The following ZNF638 variants were observed in gnomAD, a reference collection of about 807,000 sequenced individuals.
The protein encoded by ZNF638 is CTCL tumor antigen se33-1.
ZNF638 carries 46 observed loss-of-function variants against 195.6 expected under a neutral mutation model. That is an observed-to-expected ratio of 0.24 (90% confidence interval 0.19 to 0.30). The LOEUF is 0.30. Ranked by LOEUF, ZNF638 falls within the 10% of genes least tolerant of loss-of-function variation. ZNF638 has a pLI of 1.00. For synonymous variants in ZNF638, 845 were observed against 772.0 expected (o/e 1.09, Z -1.57); for missense variants, 2,440 against 2,325.3 (o/e 1.05, Z -1.01).
At position 71,427,182 on chromosome 2, in the gene ZNF638, G is replaced by A; in HGVS notation, c.5313G>A (p.Glu1771=). ...CGGATTTTAACAACCTTAAAGAAGA[G>A]CTTAATTTTGTTACTGTTGATGAAG... ...SLADFNNLKE[E]LNFVTVDEVG... Residue 1771 remains glutamate (E), a synonymous_variant, in exon 24 of 28, where the codon GAG becomes GAA. Transcript: ENST00000264447. The A allele has an allele frequency of 6.2e-7, 1 of 1,611,862 alleles. No individual in the cohort carries two copies. Among genetic ancestry groups the A allele is most frequent in the Non-Finnish European group, 8.5e-7 (1 of 1,179,298 alleles).
chr2:71,346,379 AGTTT>A (rs1245163463), intron 1 of ZNF638, among the ~76,000 whole-genome samples: 4 of 152,200 alleles, frequency 2.6e-5, no homozygotes, highest in Non-Finnish European at 5.9e-5. Context: ...AAAGACCGTG[AGTTT>A]GTTACAAATG....
chr2:71,397,450 G>T (rs2079916343), intron 11 of ZNF638, among the ~76,000 whole-genome samples: 3 of 152,136 alleles, frequency 2.0e-5, no homozygotes, highest in South Asian at 4.1e-4. Context: ...ACTATAAAGG[G>T]TGGATTTGTA....
At chr2:71,336,720 G>A (rs1472456344) in intron 1 of ZNF638, among the ~76,000 whole-genome samples, 1 of 152,054 alleles carries the variant, frequency 6.6e-6, no homozygotes, top group East Asian at 1.9e-4. Context: ...GCAAGCAGTG[G>A]GACCAGAGTT....
chr2:71,393,700 G>A (rs752640735), intron 10 of ZNF638: 61 of 694,648 alleles, frequency 8.8e-5, no homozygotes, highest in Non-Finnish European at 1.2e-4. Context: ...CCTGCAACCC[G>A]TACCGGCTAC....
At chr2:71,355,375 C>G (rs1229833216) in intron 2 of ZNF638, among the ~76,000 whole-genome samples, 1 of 152,058 alleles carries the variant, frequency 6.6e-6, no homozygotes, top group African/African-American at 2.4e-5. Context: ...TTGGTGTTTT[C>G]TGGTGTGTTG....
rs563510301 is a variant in ZNF638 at position 71,421,183 on chromosome 2, G to C, written c.3300-1631G>C. ...GAATATTTTCTTCATTATTGGAAAT[G>C]AGTCTTGTAATTTAAAGACAAAAGC... On this transcript the variant is annotated intron_variant, in intron 21 of 27. Coordinates refer to ENST00000264447, the MANE Select transcript of ZNF638 (RefSeq NM_014497.5). Among the ~76,000 whole-genome samples the C allele has an allele frequency of 3.0e-3, 458 of 152,224 alleles. 10 individuals carry two copies. The highest frequency in any genetic ancestry group is 0.018 in the South Asian group (86 of 4,826).
At chr2:71,410,992 C>CCCCCT (rs1553484599) in intron 20 of ZNF638, among the ~76,000 whole-genome samples, 4 of 24,508 alleles carry the variant, frequency 1.6e-4, no homozygotes, top group African/African-American at 5.8e-4. Flanking sequence ...CTCCCCCCCC[C>CCCCCT]TTTTTTTTTT....
In ZNF638 at chr2:71,355,764, C is replaced by T. The variant is rs765456050; in HGVS notation, c.1363C>T (p.Arg455Ter). 1 of 1,589,664 alleles carries T rather than the reference C, an allele frequency of 6.3e-7. No individual in the cohort carries two copies. Among genetic ancestry groups the T allele is most frequent in the Non-Finnish European group, 8.6e-7 (1 of 1,166,784 alleles). Reference protein sequence around the residue: ...QNTSTHIESCRQLRQQYPDWN... With the variant: ...QNTSTHIESC ...TACATCTACTCATATTGAGAGCTGTCGACAGTTACGTCAACAGTAAGAATA... is the reference window on the plus strand; with the variant it reads ...TACATCTACTCATATTGAGAGCTGTTGACAGTTACGTCAACAGTAAGAATA... The change falls in exon 3 of 28, where the codon CGA becomes TGA. Residue 455 changes from arginine to a stop codon, truncating the protein, a stop_gained. Coordinates refer to ENST00000264447, the MANE Select transcript of ZNF638 (RefSeq NM_014497.5). LOFTEE classifies it high-confidence loss of function.
chr2:71,402,886 G>A (rs879580577), intron 16 of ZNF638, among the ~76,000 whole-genome samples: 1 of 152,040 alleles, frequency 6.6e-6, no homozygotes, highest in Non-Finnish European at 1.5e-5. Flanking sequence ...ATGTTTTGAG[G>A]CACTCCGAGC....
At position 71,388,658 on chromosome 2, in the gene ZNF638, G is replaced by A. The variant is rs201047425; in HGVS notation, c.2378-7483G>A. 5.8e-5 allele frequency: 55 copies of A among 948,636 alleles called. No homozygotes were observed. In the Middle Eastern group the frequency reaches 1.0e-3, roughly 18 times the overall value. The allele number at this position is 948,636 out of a possible 1,614,324, so 58.8% of individuals were successfully genotyped here. A position where few individuals can be genotyped will look rare whatever the true frequency, so the allele number is the denominator to read the frequency against. On this transcript the variant is annotated intron_variant, in intron 10 of 27. Transcript: ENST00000264447. Reference sequence around the variant, plus strand: ...TCAGACTCAGCAGCTGGTGCCCCTCGTGAGGAACACTGCAAGGGATCACGA... The same window carrying A: ...TCAGACTCAGCAGCTGGTGCCCCTCATGAGGAACACTGCAAGGGATCACGA...
At chr2:71,386,039 C>A (rs1167241668) in intron 10 of ZNF638, among the ~76,000 whole-genome samples, 1 of 151,968 alleles carries the variant, frequency 6.6e-6, no homozygotes, top group Non-Finnish European at 1.5e-5. Flanking sequence ...AACATATGAT[C>A]CTTTCCATAA....
intron 21 of ZNF638, among the ~76,000 whole-genome samples, chr2:71,420,179 C>T (rs2080400970): frequency 6.6e-6 from 1 of 151,794 alleles, no homozygotes; most frequent in Non-Finnish European, 1.5e-5. Context: ...TTTCCCACCT[C>T]AGCTTCCTGT....
Position 71,422,772 on chromosome 2 carries a change from T to G in ZNF638, c.3300-42T>G, listed in dbSNP as rs781585090. 5 of 1,565,352 alleles carry G rather than the reference T, an allele frequency of 3.2e-6. No individual in the cohort carries two copies. The African/African-American group carries it at 5.5e-5, about 17-fold the overall frequency. On this transcript the variant is annotated intron_variant, in intron 21 of 27. Transcript: ENST00000264447. ...CATCATAGTTTGATTTTTGTTTGTG[T>G]TTTTGTTTGTGTTCTTTTTGTTTGT...
intron 25 of ZNF638, 158 bp from the exon 26 acceptor site, chr2:71,431,169 A>G: frequency 1.7e-6 from 1 of 593,742 alleles, no homozygotes; most frequent in South Asian, 2.3e-5. Context: ...TATTCCTTAC[A>G]TTAAAGAATC....
chr2:71,339,629 C>G (rs966805710), intron 1 of ZNF638, among the ~76,000 whole-genome samples: 7 of 152,170 alleles, frequency 4.6e-5, no homozygotes, highest in African/African-American at 7.2e-5. Context: ...GTCTTTACTT[C>G]TTGGTCTTGC....
At chr2:71,428,855 A>G (rs1447704238) in intron 25 of ZNF638, 7 of 405,488 alleles carry the variant, frequency 1.7e-5, no homozygotes, top group Non-Finnish European at 2.7e-5. Context: ...AATGTGACAG[A>G]TTAGAGGAAA....
chr2:71,355,198 C>T (rs1448027829), intron 2 of ZNF638, among the ~76,000 whole-genome samples: 3 of 152,080 alleles, frequency 2.0e-5, no homozygotes, highest in Non-Finnish European at 2.9e-5. Flanking sequence ...ACTCGTGATC[C>T]GCCCTCCTTG....
chr2:71,417,598 A>T (rs13429035), intron 20 of ZNF638, among the ~76,000 whole-genome samples: 14,785 of 151,406 alleles, frequency 0.098, 796 homozygotes, highest in East Asian at 0.14. Context: ...TTCCTTTATG[A>T]ATAAGGAAGT....
chr2:71,406,869 G>T (rs374029952), intron 19 of ZNF638, among the ~76,000 whole-genome samples: 1 of 152,002 alleles, frequency 6.6e-6, no homozygotes, highest in Non-Finnish European at 1.5e-5. Context: ...GCATGGTGAC[G>T]TGTGCCTCTG....
Sources: allele counts gnomAD v4.1 joint callset (sites outside exome capture counted in the v4.1 genomes callset), GRCh38; gene constraint gnomAD v4.1.1; transcripts MANE v1.5; gene names NCBI Gene and HGNC (gene_info 2026-07-23, HGNC 2026-07-21).